Variants in SLC2A13 observed in about 807,000 individuals in gnomAD.
SLC2A13 encodes the protein proton myo-inositol cotransporter.
A neutral mutation model predicts 64.4 loss-of-function variants in SLC2A13; 32 were observed. That is an observed-to-expected ratio of 0.50 (90% CI 0.37 to 0.67). SLC2A13 has a LOEUF of 0.67. Ranked by LOEUF, SLC2A13 falls within the 30% of genes least tolerant of loss-of-function variation. The probability of loss-of-function intolerance (pLI) is 0.00; values close to 1 mark genes in which losing one functional copy is unlikely to be tolerated. For synonymous variants in SLC2A13, 338 were observed against 327.1 expected (o/e 1.03, Z -0.36); for missense variants, 743 against 829.2 (o/e 0.90, Z 1.28).
At position 39,760,480 on chromosome 12, in the gene SLC2A13, C is replaced by T. The variant is rs539044569; in HGVS notation, c.1721-228G>A. Among the ~76,000 whole-genome samples the T allele has an allele frequency of 5.1e-3, 778 of 151,994 alleles. 5 individuals are homozygous for T. The highest frequency in any genetic ancestry group is 0.017 in the African/African-American group (713 of 41,486). Reference sequence around the variant, plus strand: ...GTTTAGAAACTCAAGAATAATAGAACAGGCTCAGATGTAAGTTTGGCTTTG... The same window carrying T: ...GTTTAGAAACTCAAGAATAATAGAATAGGCTCAGATGTAAGTTTGGCTTTG... On this transcript the variant is annotated intron_variant, in intron 9 of 9. Transcript: ENST00000280871.
chr12:39,903,714 T>C (rs1336005820), intron 4 of SLC2A13, among the ~76,000 whole-genome samples: 6 of 152,038 alleles, frequency 3.9e-5, no homozygotes, highest in Admixed American at 6.6e-5. Context: ...GCCCCAGAAA[T>C]GGAGACATCA....
At chr12:39,766,800 A>C (rs754700356) in intron 7 of SLC2A13, among the ~76,000 whole-genome samples, 25 of 151,564 alleles carry the variant, frequency 1.6e-4, no homozygotes, top group Non-Finnish European at 3.5e-4. Context: ...TTAAGAAACA[A>C]CTCCTTATCC....
chr12:39,797,580 C>T (rs1941616558), intron 7 of SLC2A13, among the ~76,000 whole-genome samples: 1 of 152,116 alleles, frequency 6.6e-6, no homozygotes, highest in South Asian at 2.1e-4. Flanking sequence ...AGGACAACTT[C>T]GTCCCTTTTG....
At chr12:40,046,715 T>C (rs1948176891) in intron 2 of SLC2A13, among the ~76,000 whole-genome samples, 2 of 151,986 alleles carry the variant, frequency 1.3e-5, no homozygotes. Context: ...TTAAAAACTG[T>C]GTCCTCCCCT....
At chr12:39,941,662 TA>T (rs1424893072) in intron 4 of SLC2A13, among the ~76,000 whole-genome samples, 3 of 152,200 alleles carry the variant, frequency 2.0e-5, no homozygotes, top group African/African-American at 7.2e-5. Context: ...GGATTCTGGA[TA>T]TTAGTCCTTT....
At chr12:39,956,745 T>G (rs1946319836) in intron 3 of SLC2A13, among the ~76,000 whole-genome samples, 1 of 152,174 alleles carries the variant, frequency 6.6e-6, no homozygotes, top group African/African-American at 2.4e-5. Context: ...TATTCTTCCC[T>G]TTCTTTTTGT....
rs190104806 is a variant in SLC2A13, at chr12:39,996,035, G to A, written c.925+32266C>T. Among the ~76,000 whole-genome samples the A allele has an allele frequency of 1.0e-3, 158 of 152,324 alleles. 1 individual carries two copies. Among genetic ancestry groups the A allele is most frequent in the African/African-American group, 3.4e-3 (142 of 41,562 alleles). ...ATACAGTACATTGGAGTGGGGCGCTGCTGAAAACATACCAGTTGGAACTCT... is the reference window on the plus strand; with the variant it reads ...ATACAGTACATTGGAGTGGGGCGCTACTGAAAACATACCAGTTGGAACTCT... On this transcript the variant is annotated intron_variant, in intron 3 of 9. Transcript: ENST00000280871.
At chr12:40,040,838 GATCT>G (rs1214212620) in intron 2 of SLC2A13, among the ~76,000 whole-genome samples, 1 of 152,176 alleles carries the variant, frequency 6.6e-6, no homozygotes, top group East Asian at 1.9e-4. Context: ...AAGTACCACT[GATCT>G]ATTAGCACGA....
chr12:40,024,343 G>A lies in SLC2A13; in HGVS notation c.925+3958C>T, dbSNP rs561608387. Among the ~76,000 whole-genome samples, 143 of 152,304 alleles carry A rather than the reference G, an allele frequency of 9.4e-4. 1 individual carries two copies. The highest frequency in any genetic ancestry group is 3.1e-3 in the African/African-American group (130 of 41,570). ...TAGTTCTTACTGCAATATCTTAGAA[G>A]TCTGGTACATGTACACTTTGTAGCT... On this transcript the variant is annotated intron_variant, in intron 3 of 9. Coordinates refer to ENST00000280871, the MANE Select transcript of SLC2A13 (RefSeq NM_052885.4).
chr12:39,935,928 C>T (rs1945909853), intron 4 of SLC2A13, among the ~76,000 whole-genome samples: 1 of 152,020 alleles, frequency 6.6e-6, no homozygotes, highest in Non-Finnish European at 1.5e-5. Flanking sequence ...CACTGATGCC[C>T]TGAGAAGTTA....
chr12:39,855,115 A>G (rs1943572885), intron 6 of SLC2A13, among the ~76,000 whole-genome samples: 1 of 152,220 alleles, frequency 6.6e-6, no homozygotes, highest in Non-Finnish European at 1.5e-5. Flanking sequence ...GAAATCTCCA[A>G]ATACCATTTA....
intron 3 of SLC2A13, among the ~76,000 whole-genome samples, chr12:39,988,727 AAGGG>A (rs1947080273): frequency 7.9e-6 from 1 of 127,070 alleles, no homozygotes; most frequent in Admixed American, 8.1e-5. Context: ...GGAAGGAAGG[AAGGG>A]GGGGAGGAAA....
At chr12:39,924,922 G>A (rs1480899831) in intron 4 of SLC2A13, among the ~76,000 whole-genome samples, 3 of 150,648 alleles carry the variant, frequency 2.0e-5, no homozygotes, top group Admixed American at 6.6e-5. Flanking sequence ...AAGACTATCC[G>A]TTTAAAATTT....
chr12:39,996,558 C>T (rs1464195298), intron 3 of SLC2A13, among the ~76,000 whole-genome samples: 10 of 152,204 alleles, frequency 6.6e-5, no homozygotes, highest in Non-Finnish European at 1.0e-4. Flanking sequence ...GGCCAACAGG[C>T]CTAGAAGGAA....
rs544601019 is a variant in SLC2A13, at chr12:40,091,111, C to G, written c.556+14142G>C. Among the ~76,000 whole-genome samples the G allele has an allele frequency of 4.8e-4, 73 of 152,254 alleles. 2 individuals are homozygous for G. The South Asian group carries it at 0.015, about 31-fold the overall frequency. ...TTATTGTACTAAATACTGTAGGCAA[C>G]TGTAACACAATGGTATTTTTGTATA... On this transcript the variant is annotated intron_variant, in intron 1 of 9. Transcript: ENST00000280871.
At position 39,780,019 on chromosome 12, in the gene SLC2A13, G is replaced by C. The variant is rs541360700; in HGVS notation, c.1446-15161C>G. 2.0e-5 allele frequency among the ~76,000 whole-genome samples: 3 copies of C among 152,238 alleles called. No individual in the cohort carries two copies. In the South Asian group the frequency reaches 6.2e-4, roughly 32 times the overall value. On this transcript the variant is annotated intron_variant, in intron 7 of 9. Transcript: ENST00000280871. Reference sequence around the variant, plus strand: ...GCTTTCCATCAAGTGTGAGTTCTGTGGCTTCTTTATGATAGTTGTGTTCCC... The same window carrying C: ...GCTTTCCATCAAGTGTGAGTTCTGTCGCTTCTTTATGATAGTTGTGTTCCC...
intron 6 of SLC2A13, among the ~76,000 whole-genome samples, chr12:39,847,456 A>T (rs892795604): frequency 2.0e-5 from 3 of 152,074 alleles, no homozygotes; most frequent in Non-Finnish European, 4.4e-5. Context: ...ATTGCATGGG[A>T]TTTCAGGAAG....
At chr12:39,912,475 C>T (rs1945447257) in intron 4 of SLC2A13, among the ~76,000 whole-genome samples, 1 of 151,990 alleles carries the variant, frequency 6.6e-6, no homozygotes, top group Admixed American at 6.6e-5. Flanking sequence ...ACTACAACTA[C>T]AGCCAAGAAA....
chr12:40,068,382 C>T (rs1937819697), intron 1 of SLC2A13: 1 of 327,552 alleles, frequency 3.1e-6, no homozygotes, highest in Admixed American at 4.2e-5. Context: ...GTGATGAACA[C>T]CAGTTTAGGC....
Sources: allele counts gnomAD v4.1 joint callset (sites outside exome capture counted in the v4.1 genomes callset), GRCh38; gene constraint gnomAD v4.1.1; transcripts MANE v1.5; gene names NCBI Gene and HGNC (gene_info 2026-07-23, HGNC 2026-07-21).